ATP6V1G3: variants seen among roughly 807,000 people sequenced by gnomAD.
The protein encoded by ATP6V1G3 is V-type proton ATPase subunit G 3.
A neutral mutation model predicts 9.3 loss-of-function variants in ATP6V1G3; 9 were observed. That is an observed-to-expected ratio of 0.97 (90% CI 0.59 to 1.69). The LOEUF is 1.69. Ranked by LOEUF, ATP6V1G3 falls within the 40% of genes most tolerant of loss-of-function variation. ATP6V1G3 has a pLI of 0.00. For synonymous variants in ATP6V1G3, 43 were observed against 43.8 expected (o/e 0.98, Z 0.07); for missense variants, 133 against 139.0 (o/e 0.96, Z 0.22).
chr1:198,540,682 A>C (rs767924492), upstream of ATP6V1G3: 27 of 1,580,690 alleles, frequency 1.7e-5, no homozygotes, highest in Non-Finnish European at 2.3e-5. Context: ...GGCTTCTGTG[A>C]AATCTGGGAA....
At chr1:198,540,542 G>A in intron 1 of ATP6V1G3, 27 bp downstream of exon 1, 1 of 1,601,424 alleles carries the variant, frequency 6.2e-7, no homozygotes, top group Non-Finnish European at 8.6e-7. Context: ...TTTATTTCGT[G>A]ACAGACCCCT....
chr1:198,535,764 A>G (rs916845449), intron 1 of ATP6V1G3, among the ~76,000 whole-genome samples: 2 of 152,094 alleles, frequency 1.3e-5, no homozygotes, highest in Non-Finnish European at 2.9e-5. Flanking sequence ...AGGCTGAGGA[A>G]ACAGGCACAG....
chr1:198,539,969 A>G (rs906936997), intron 1 of ATP6V1G3, among the ~76,000 whole-genome samples: 1 of 152,202 alleles, frequency 6.6e-6, no homozygotes, highest in Non-Finnish European at 1.5e-5. Flanking sequence ...CTGTAGTCCC[A>G]GCTACTTGGC....
chr1:198,531,296 C>A (rs1659888854), intron 1 of ATP6V1G3, among the ~76,000 whole-genome samples: 1 of 152,150 alleles, frequency 6.6e-6, no homozygotes, highest in African/African-American at 2.4e-5. Flanking sequence ...AGCCTAAAGC[C>A]TACTGTTCTG....
rs761484574 is a variant in ATP6V1G3 at position 198,529,139 on chromosome 1, A to C, written c.125T>G (p.Val42Gly). The change falls in exon 2 of 3, where the codon GTA (valine) becomes GGA (glycine). Residue 42 changes from valine (V) to glycine (G), a missense_variant. Physicochemically the swap from Val to Gly is moderately radical, Grantham distance 109. Coordinates refer to ENST00000367382, the MANE Select transcript of ATP6V1G3 (RefSeq NM_001376861.1). ...CTGCATTCTGTACTGGTCAATTTCT[A>C]CCATTGCTTCCTCCTTGGCTTGCTT... ...RLKQAKEEAM[V>G]EIDQYRMQRD... The C allele has an allele frequency of 5.5e-6, 8 of 1,460,152 alleles. No homozygotes were observed. Among genetic ancestry groups the C allele is most frequent in the Admixed American group, 2.0e-5 (1 of 50,052 alleles). The allele number at this position is 1,460,152 out of a possible 1,614,324, so 90.4% of individuals were successfully genotyped here. A position where few individuals can be genotyped will look rare whatever the true frequency, so the allele number is the denominator to read the frequency against.
intron 2 of ATP6V1G3, among the ~76,000 whole-genome samples, chr1:198,526,581 C>G (rs1451235498): frequency 6.6e-6 from 1 of 152,144 alleles, no homozygotes; most frequent in African/African-American, 2.4e-5. Flanking sequence ...TGATGTATAG[C>G]TTTACAGCAT....
At chr1:198,529,884 A>T (rs1659825807) in intron 1 of ATP6V1G3, among the ~76,000 whole-genome samples, 1 of 152,084 alleles carries the variant, frequency 6.6e-6, no homozygotes, top group Non-Finnish European at 1.5e-5. Flanking sequence ...TTCTTTTATT[A>T]AGAGCAAAGG....
chr1:198,536,858 G>C (rs1660134339), intron 1 of ATP6V1G3: 1 of 686,852 alleles, frequency 1.5e-6, no homozygotes. Context: ...TGTGTATTTT[G>C]CTTTACTATC....
At chr1:198,526,152 A>G (rs1010032675) in intron 2 of ATP6V1G3, among the ~76,000 whole-genome samples, 2 of 152,218 alleles carry the variant, frequency 1.3e-5, no homozygotes, top group Non-Finnish European at 2.9e-5. Context: ...ATGCAGTACT[A>G]TAACAATGAC....
At chr1:198,532,721 G>A (rs7520859) in intron 1 of ATP6V1G3, among the ~76,000 whole-genome samples, 54,723 of 151,948 alleles carry the variant, frequency 0.36, 11,678 homozygotes, top group African/African-American at 0.58. Flanking sequence ...TCTGAAGGGG[G>A]AGAGTCTTCC....
chr1:198,531,271 A>G (rs1659887695), intron 1 of ATP6V1G3, among the ~76,000 whole-genome samples: 1 of 152,194 alleles, frequency 6.6e-6, no homozygotes. Context: ...GATTTAATCC[A>G]GTGGAAAAAA....
At chr1:198,536,618 A>G (rs1465589443) in intron 1 of ATP6V1G3, 8 of 1,386,290 alleles carry the variant, frequency 5.8e-6, no homozygotes, top group Non-Finnish European at 7.9e-6. Flanking sequence ...GCTTTAACTA[A>G]TAAATATAAC....
intron 2 of ATP6V1G3, among the ~76,000 whole-genome samples, chr1:198,528,075 GA>G (rs1206624643): frequency 6.6e-6 from 1 of 152,118 alleles, no homozygotes; most frequent in Non-Finnish European, 1.5e-5. Context: ...TAGGGTGGTA[GA>G]AAATGTGGTG....
In ATP6V1G3 at chr1:198,535,448, T is replaced by G. The variant is rs371101748; in HGVS notation, c.82+5121A>C. 1.4e-3 allele frequency among the ~76,000 whole-genome samples: 210 copies of G among 152,062 alleles called. 1 individual carries two copies. The highest frequency in any genetic ancestry group is 4.9e-3 in the African/African-American group (203 of 41,482). On this transcript the variant is annotated intron_variant, in intron 1 of 2. Transcript: ENST00000367382. ...GCTGATTTAAAAAAATTATTGATGG[T>G]TGGCATCCTATAGACTCACAAAAAT...
intron 1 of ATP6V1G3, among the ~76,000 whole-genome samples, chr1:198,529,920 A>G (rs1178044945): frequency 6.6e-6 from 1 of 152,152 alleles, no homozygotes; most frequent in Non-Finnish European, 1.5e-5. Context: ...AGCAGACAAC[A>G]TAAACGAAAG....
intron 1 of ATP6V1G3, among the ~76,000 whole-genome samples, chr1:198,535,735 T>C (rs2103142322): frequency 6.6e-6 from 1 of 152,234 alleles, no homozygotes; most frequent in African/African-American, 2.4e-5. Context: ...AGGTAGGTAC[T>C]GTTAGTATCT....
At position 198,529,190 on chromosome 1, in the gene ATP6V1G3, T is replaced by A. The variant is rs779264707; in HGVS notation, c.83-9A>T. ...CAATCGCTTTCCTTTTCCTGAAAAT[T>A]AACAAATATATATATATATATATAT... On this transcript the variant is annotated splice_polypyrimidine_tract_variant and intron_variant, in intron 1 of 2. Transcript: ENST00000367382. 1 of 782,294 alleles carries A rather than the reference T, an allele frequency of 1.3e-6. No individual in the cohort carries two copies. Among genetic ancestry groups the A allele is most frequent in the Non-Finnish European group, 1.8e-6 (1 of 552,168 alleles). The allele number at this position is 782,294 out of a possible 1,614,324, so 48.5% of individuals were successfully genotyped here.
chr1:198,537,566 C>T (rs1445446496), intron 1 of ATP6V1G3, among the ~76,000 whole-genome samples: 1 of 152,168 alleles, frequency 6.6e-6, no homozygotes, highest in Admixed American at 6.5e-5. Context: ...ATTGTGACTT[C>T]TTGGTCCTCA....
chr1:198,536,744 C>T (rs201896475), intron 1 of ATP6V1G3: 4 of 1,581,592 alleles, frequency 2.5e-6, no homozygotes, highest in Non-Finnish European at 3.5e-6. Context: ...GGGGTAAAAA[C>T]AAATGGAATG....
Sources: gnomAD v4.1 joint callset for allele counts (sites outside exome capture counted in the v4.1 genomes callset) on GRCh38, gnomAD v4.1.1 for gene constraint, MANE v1.5 for transcripts, NCBI Gene and HGNC (gene_info 2026-07-23, HGNC 2026-07-21) for gene names.